The following EYA1 variants were observed in gnomAD, a reference collection of about 807,000 sequenced individuals.
The protein encoded by EYA1 is EYA transcriptional coactivator and phosphatase 1.
EYA1 carries 16 observed loss-of-function variants against 82.0 expected under a neutral mutation model. That is an observed-to-expected ratio of 0.20 (90% CI 0.13 to 0.30). The LOEUF is 0.30. Among genes scored for constraint, EYA1 ranks in the 10% least tolerant of loss-of-function variants. The probability of loss-of-function intolerance (pLI) is 1.00; values close to 1 mark genes in which losing one functional copy is unlikely to be tolerated. For missense variants in EYA1, 633 were observed against 730.7 expected (o/e 0.87, Z 1.54); for synonymous variants, 261 against 264.4 (o/e 0.99, Z 0.12).
At chr8:71,394,594 A>T (rs997593617) in intron 2 of EYA1, among the ~76,000 whole-genome samples, 11 of 152,212 alleles carry the variant, frequency 7.2e-5, no homozygotes, top group Non-Finnish European at 1.5e-4. Flanking sequence ...GAAAGATAAG[A>T]TGGTTGTAGA....
At chr8:71,433,383 CA>C (rs2129163225) in intron 2 of EYA1, among the ~76,000 whole-genome samples, 1 of 152,304 alleles carries the variant, frequency 6.6e-6, no homozygotes, top group African/African-American at 2.4e-5. Flanking sequence ...TCTCATATAA[CA>C]TGAATGATTT....
At chr8:71,502,664 T>C (rs1023838415) in intron 2 of EYA1, among the ~76,000 whole-genome samples, 1 of 152,224 alleles carries the variant, frequency 6.6e-6, no homozygotes, top group African/African-American at 2.4e-5. Flanking sequence ...AAATCATAGA[T>C]TATGACTTTG....
intron 3 of EYA1, among the ~76,000 whole-genome samples, chr8:71,350,316 A>C (rs1826177615): frequency 6.6e-6 from 1 of 152,200 alleles, no homozygotes; most frequent in Non-Finnish European, 1.5e-5. Context: ...TATTTTACAA[A>C]ATTAAAATTA....
At chr8:71,531,370 G>A (rs1366935650) in intron 2 of EYA1, 1 of 152,112 alleles carries the variant, frequency 6.6e-6, no homozygotes, top group Non-Finnish European at 1.5e-5. Flanking sequence ...GCTAGTAAAA[G>A]ATAAAACCAG....
At chr8:71,242,206 AAAAAT>A (rs758809400) in intron 12 of EYA1, among the ~76,000 whole-genome samples, 12 of 152,310 alleles carry the variant, frequency 7.9e-5, no homozygotes, top group African/African-American at 1.9e-4. Flanking sequence ...ACCCTATCTC[AAAAAT>A]AAAATAAAAT....
At chr8:71,340,993 T>G (rs1357354374) in intron 3 of EYA1, among the ~76,000 whole-genome samples, 1 of 152,216 alleles carries the variant, frequency 6.6e-6, no homozygotes, top group African/African-American at 2.4e-5. Flanking sequence ...CTCCAAATCA[T>G]CACTCAGTCT....
intron 2 of EYA1, among the ~76,000 whole-genome samples, chr8:71,513,583 A>G (rs1231830036): frequency 1.3e-5 from 2 of 152,088 alleles, no homozygotes; most frequent in Non-Finnish European, 2.9e-5. Flanking sequence ...CCCCTCAAGC[A>G]TTTGTCCTTT....
intron 2 of EYA1, among the ~76,000 whole-genome samples, chr8:71,466,907 A>G (rs763402028): frequency 1.7e-4 from 26 of 152,126 alleles, no homozygotes; most frequent in Non-Finnish European, 3.1e-4. Flanking sequence ...TCTAACATGT[A>G]AATTTTAAAG....
chr8:71,389,870 A>G (rs967537639), intron 2 of EYA1, among the ~76,000 whole-genome samples: 5 of 152,150 alleles, frequency 3.3e-5, no homozygotes, highest in African/African-American at 1.2e-4. Context: ...TTCCCAACCT[A>G]TCCCTTTCCC....
At chr8:71,421,241 G>A (rs933624876) in intron 2 of EYA1, among the ~76,000 whole-genome samples, 4 of 152,156 alleles carry the variant, frequency 2.6e-5, no homozygotes, top group Admixed American at 6.5e-5. Flanking sequence ...GGTTGGTGCT[G>A]TTGCAAGGAA....
chr8:71,420,307 G>C (rs144126543), intron 2 of EYA1, among the ~76,000 whole-genome samples: 3 of 152,246 alleles, frequency 2.0e-5, no homozygotes, highest in Non-Finnish European at 2.9e-5. Flanking sequence ...ATCCCTCTGA[G>C]ATGGAAGAAA....
intron 2 of EYA1, among the ~76,000 whole-genome samples, chr8:71,519,223 GTTTAC>G (rs1217673579): frequency 6.6e-6 from 1 of 152,098 alleles, no homozygotes; most frequent in East Asian, 1.9e-4. Context: ...TCATGTGACA[GTTTAC>G]TTTAAAGATC....
chr8:71,287,132 A>C (rs1818475533), intron 9 of EYA1, among the ~76,000 whole-genome samples: 2 of 151,966 alleles, frequency 1.3e-5, no homozygotes, highest in Admixed American at 6.6e-5. Context: ...GCATAAAAGA[A>C]AAAAAAGGAC....
intron 2 of EYA1, among the ~76,000 whole-genome samples, chr8:71,395,752 C>CT (rs1486612870): frequency 6.6e-6 from 1 of 151,956 alleles, no homozygotes; most frequent in Non-Finnish European, 1.5e-5. Context: ...GTAAAATTCT[C>CT]TTTTTTTGCT....
At chr8:71,259,881 T>G (rs1814890725) in intron 11 of EYA1, among the ~76,000 whole-genome samples, 1 of 152,212 alleles carries the variant, frequency 6.6e-6, no homozygotes, top group Admixed American at 6.5e-5. Context: ...TATGTAACTA[T>G]GTTTTAAAAG....
At position 71,356,744 on chromosome 8, in the gene EYA1, T is replaced by C. The variant is rs965262922; in HGVS notation, c.-54-233A>G. On this transcript the variant is annotated intron_variant, in intron 1 of 17. Transcript: ENST00000340726. ...TTGTCAGGGGGGGAAGGCAGCCAAA[T>C]GACGTGATAGTGATTCATCACTGGC... The C allele has an allele frequency of 1.9e-5, 23 of 1,217,120 alleles. No homozygotes were observed. In the African/African-American group the frequency reaches 3.6e-4, roughly 19 times the overall value. 75.4% of individuals were successfully genotyped at this position (1,217,120 alleles called of 1,614,324 possible). A position where few individuals can be genotyped will look rare whatever the true frequency, so the allele number is the denominator to read the frequency against.
At chr8:71,485,174 T>C (rs1231455428) in intron 2 of EYA1, among the ~76,000 whole-genome samples, 13 of 152,222 alleles carry the variant, frequency 8.5e-5, no homozygotes, top group Admixed American at 7.9e-4. Flanking sequence ...GCTTTTCAAA[T>C]TCAAACTAAG....
intron 2 of EYA1, among the ~76,000 whole-genome samples, chr8:71,386,665 T>A (rs965860701): frequency 1.3e-5 from 2 of 152,292 alleles, no homozygotes; most frequent in South Asian, 4.2e-4. Flanking sequence ...TTCTCCATTG[T>A]GTATAATCCA....
intron 1 of EYA1, among the ~76,000 whole-genome samples, chr8:71,360,675 T>TG (rs1475638118): frequency 1.3e-5 from 2 of 152,088 alleles, no homozygotes; most frequent in Non-Finnish European, 2.9e-5. Flanking sequence ...CCCCAGACTG[T>TG]GGGGGAAAAG....
Sources: allele counts gnomAD v4.1 joint callset (sites outside exome capture counted in the v4.1 genomes callset), GRCh38; gene constraint gnomAD v4.1.1; transcripts MANE v1.5; gene names NCBI Gene and HGNC (gene_info 2026-07-23, HGNC 2026-07-21).